The following CTDSPL variants were observed in gnomAD, a reference collection of about 807,000 sequenced individuals.
CTDSPL encodes CTD small phosphatase-like protein.
Under a neutral mutation model 30.5 loss-of-function variants are expected in CTDSPL, and 8 were observed. The ratio of observed to expected loss-of-function variants is 0.26; its 90% CI spans 0.15 to 0.47. CTDSPL has a LOEUF of 0.47. Among genes scored for constraint, CTDSPL ranks in the 20% least tolerant of loss-of-function variants. CTDSPL has a pLI of 0.99. For missense variants in CTDSPL, 248 were observed against 366.1 expected, an observed-to-expected ratio of 0.68 and a Z score of 2.63; for synonymous variants, 110 against 137.9, an observed-to-expected ratio of 0.80 and a Z score of 1.42.
chr3:37,933,620 G>A (rs1176396653), intron 1 of CTDSPL, among the ~76,000 whole-genome samples: 1 of 152,166 alleles, frequency 6.6e-6, no homozygotes, highest in African/African-American at 2.4e-5. Context: ...TACTAGCTAA[G>A]TCATCTTGGG....
intron 1 of CTDSPL, among the ~76,000 whole-genome samples, chr3:37,878,731 T>G (rs1295620764): frequency 6.6e-6 from 1 of 152,198 alleles, no homozygotes; most frequent in African/African-American, 2.4e-5. Flanking sequence ...ACTCTTTATT[T>G]TAGTCACTTA....
chr3:37,964,307 C>G (rs1410418189), intron 3 of CTDSPL, among the ~76,000 whole-genome samples: 1 of 152,120 alleles, frequency 6.6e-6, no homozygotes, highest in Non-Finnish European at 1.5e-5. Flanking sequence ...GTATTACTAT[C>G]CCAATTTACA....
At position 37,957,149 on chromosome 3, in the gene CTDSPL, T is replaced by C. The variant is rs370337906; in HGVS notation, c.267+6T>C. Reference sequence around the variant, plus strand: ...AGGTCATTCCCATACCAAGTGTATGTATATTTATCTAATTTTATTTATTAA... The same window carrying C: ...AGGTCATTCCCATACCAAGTGTATGCATATTTATCTAATTTTATTTATTAA... On this transcript the variant is annotated splice_donor_region_variant and intron_variant, in intron 3 of 7. Coordinates refer to ENST00000273179, the MANE Select transcript of CTDSPL (RefSeq NM_001008392.2). The C allele has an allele frequency of 1.7e-5, 26 of 1,563,864 alleles. No individual in the cohort carries two copies. The African/African-American group carries it at 2.9e-4, about 17-fold the overall frequency.
At position 37,969,441 on chromosome 3, in the gene CTDSPL, G is replaced by T. The variant is rs764213240; in HGVS notation, c.426+1559G>T. On this transcript the variant is annotated intron_variant, in intron 5 of 7. Transcript: ENST00000273179. ...AAGTAATCCAGGATAGGCTGTGCAG[G>T]TCCCAATGGGCCTATTCTTGGTTAC... 5 of 530,010 alleles carry T rather than the reference G, an allele frequency of 9.4e-6. No homozygotes were observed. In the Admixed American group the frequency reaches 9.9e-5, roughly 10 times the overall value. The allele number at this position is 530,010 out of a possible 1,614,324, so 32.8% of individuals were successfully genotyped here.
intron 1 of CTDSPL, among the ~76,000 whole-genome samples, chr3:37,931,045 A>G (rs1438046195): frequency 3.3e-5 from 5 of 149,910 alleles, no homozygotes; most frequent in Non-Finnish European, 5.9e-5. Flanking sequence ...CCATCCTTTC[A>G]CTTTCAGCCT....
intron 5 of CTDSPL, among the ~76,000 whole-genome samples, chr3:37,968,763 G>T (rs1341408597): frequency 6.6e-6 from 1 of 152,226 alleles, no homozygotes; most frequent in Admixed American, 6.5e-5. Context: ...GGAATCAGCT[G>T]GTCCAGCTGC....
chr3:37,948,858 G>A (rs1699075701), intron 2 of CTDSPL, among the ~76,000 whole-genome samples: 1 of 130,382 alleles, frequency 7.7e-6, no homozygotes. Context: ...CTGTCGCCCA[G>A]GCCGGACTGC....
At chr3:37,899,987 A>G (rs1479713342) in intron 1 of CTDSPL, among the ~76,000 whole-genome samples, 1 of 152,224 alleles carries the variant, frequency 6.6e-6, no homozygotes, top group Non-Finnish European at 1.5e-5. Context: ...GAAGTAGGTC[A>G]TGTCATTCCA....
At chr3:37,960,774 T>C (rs376408410) in intron 3 of CTDSPL, among the ~76,000 whole-genome samples, 5 of 151,912 alleles carry the variant, frequency 3.3e-5, no homozygotes, top group African/African-American at 1.2e-4. Flanking sequence ...AGTTTATTAC[T>C]TTGATTTGCA....
intron 7 of CTDSPL, among the ~76,000 whole-genome samples, chr3:37,977,585 T>TA (rs1699443115): frequency 6.6e-6 from 1 of 151,970 alleles, no homozygotes; most frequent in African/African-American, 2.4e-5. Context: ...TTTTTTTTTT[T>TA]TTTGCAAGAA....
chr3:37,871,069 A>G (rs1698066117), intron 1 of CTDSPL, among the ~76,000 whole-genome samples: 1 of 152,230 alleles, frequency 6.6e-6, no homozygotes, highest in Admixed American at 6.5e-5. Flanking sequence ...ATTATACAGA[A>G]TAATTTCATT....
At chr3:37,865,197 T>G (rs991734071) in intron 1 of CTDSPL, among the ~76,000 whole-genome samples, 5 of 152,322 alleles carry the variant, frequency 3.3e-5, no homozygotes, top group Middle Eastern at 3.4e-3. Context: ...AATGTCAAGA[T>G]AAAGAGACAA....
intron 1 of CTDSPL, among the ~76,000 whole-genome samples, chr3:37,918,385 C>G (rs1010937568): frequency 4.6e-5 from 7 of 152,208 alleles, no homozygotes; most frequent in Non-Finnish European, 8.8e-5. Flanking sequence ...TTGGAAGTCT[C>G]TGTGTCTGCT....
intron 1 of CTDSPL, among the ~76,000 whole-genome samples, chr3:37,928,418 G>A (rs1403565155): frequency 6.6e-6 from 1 of 152,108 alleles, no homozygotes; most frequent in African/African-American, 2.4e-5. Context: ...TTTGATGGTG[G>A]CCAGCCTAAT....
chr3:37,893,536 G>A lies in CTDSPL; in HGVS notation c.79+31258G>A, dbSNP rs771903191. On this transcript the variant is annotated intron_variant, in intron 1 of 7. Coordinates refer to ENST00000273179, the MANE Select transcript of CTDSPL (RefSeq NM_001008392.2). ...ACCTTTGCAGTTAATTCTCCAACTC[G>A]AATGTGTCCTTTCAGGATACCTTGC... Among the ~76,000 whole-genome samples, 27 of 152,140 alleles carry A rather than the reference G, an allele frequency of 1.8e-4. 1 individual carries two copies. Among genetic ancestry groups the A allele is most frequent in the African/African-American group, 5.1e-4 (21 of 41,424 alleles).
chr3:37,968,378 G>A, intron 5 of CTDSPL: 1 of 349,118 alleles, frequency 2.9e-6, no homozygotes. Flanking sequence ...AGGGGGAAGG[G>A]TGTGAGTTTT....
chr3:37,971,933 G>T (rs1450452972), intron 6 of CTDSPL, among the ~76,000 whole-genome samples: 2 of 152,212 alleles, frequency 1.3e-5, no homozygotes, highest in Non-Finnish European at 2.9e-5. Flanking sequence ...ACATGCTTGG[G>T]CTGAATGAGA....
intron 1 of CTDSPL, among the ~76,000 whole-genome samples, chr3:37,880,147 A>G (rs1254989438): frequency 1.3e-5 from 2 of 149,118 alleles, no homozygotes; most frequent in Admixed American, 6.7e-5. Context: ...ATATATATAT[A>G]TATATCTTAT....
intron 1 of CTDSPL, among the ~76,000 whole-genome samples, chr3:37,929,726 A>G (rs150537649): frequency 1.3e-5 from 2 of 152,226 alleles, no homozygotes; most frequent in East Asian, 3.9e-4. Context: ...TCGCTGTGAT[A>G]TTTTTACTTC....
Sources: allele counts gnomAD v4.1 joint callset (sites outside exome capture counted in the v4.1 genomes callset), GRCh38; gene constraint gnomAD v4.1.1; transcripts MANE v1.5; gene names NCBI Gene and HGNC (gene_info 2026-07-23, HGNC 2026-07-21).